CPNE4: variants seen among roughly 807,000 people sequenced by gnomAD.
CPNE4 encodes the protein copine 4, also known as copine-4.
A neutral mutation model predicts 67.9 loss-of-function variants in CPNE4; 25 were observed. The observed-to-expected ratio is 0.37, with a 90% CI of 0.27 to 0.51. The LOEUF is 0.51. Among genes scored for constraint, CPNE4 ranks in the 20% least tolerant of loss-of-function variants. CPNE4 has a pLI of 0.93. For synonymous variants in CPNE4, 242 were observed against 244.9 expected, an observed-to-expected ratio of 0.99 and a Z score of 0.11; for missense variants, 464 against 690.8, an observed-to-expected ratio of 0.67 and a Z score of 3.68.
At chr3:131,692,035 T>G (rs1299789752) in intron 5 of CPNE4, among the ~76,000 whole-genome samples, 3 of 152,062 alleles carry the variant, frequency 2.0e-5, no homozygotes, top group African/African-American at 7.3e-5. Flanking sequence ...ACTGAAGTGT[T>G]GCTGTGGTAA....
At chr3:131,581,742 T>C in intron 8 of CPNE4, 77 bp from the exon 9 acceptor site, 1 of 997,896 alleles carries the variant, frequency 1.0e-6, no homozygotes, top group East Asian at 2.4e-5. Context: ...TCCTAGGTGC[T>C]GCTGAGGACA....
At chr3:131,581,439 T>C in intron 9 of CPNE4, 140 bp downstream of exon 9, 1 of 621,776 alleles carries the variant, frequency 1.6e-6, no homozygotes, top group Non-Finnish European at 2.8e-6. Context: ...CATTTTATGT[T>C]CTTTAATACA....
At chr3:131,774,577 C>G (rs1309331522) in intron 2 of CPNE4, among the ~76,000 whole-genome samples, 1 of 152,092 alleles carries the variant, frequency 6.6e-6, no homozygotes, top group Non-Finnish European at 1.5e-5. Flanking sequence ...GGCAGAATAA[C>G]AGAGAGGAAA....
chr3:131,903,274 A>G (rs527873897), intron 2 of CPNE4, among the ~76,000 whole-genome samples: 1 of 152,178 alleles, frequency 6.6e-6, no homozygotes, highest in African/African-American at 2.4e-5. Flanking sequence ...CAAATCCCTT[A>G]TTCTGAGTAC....
chr3:131,800,533 A>G (rs1301698821), intron 2 of CPNE4, among the ~76,000 whole-genome samples: 1 of 152,186 alleles, frequency 6.6e-6, no homozygotes, highest in Non-Finnish European at 1.5e-5. Context: ...AACGGGTGAG[A>G]AAAGTAGGGA....
chr3:131,571,483 A>G (rs1937335271), intron 10 of CPNE4, among the ~76,000 whole-genome samples: 1 of 152,136 alleles, frequency 6.6e-6, no homozygotes, highest in East Asian at 1.9e-4. Flanking sequence ...TCTTGCCTAC[A>G]GCTGCTGTTG....
intron 2 of CPNE4, among the ~76,000 whole-genome samples, chr3:131,903,562 T>A (rs1417505216): frequency 1.3e-5 from 2 of 152,056 alleles, no homozygotes; most frequent in African/African-American, 4.8e-5. Context: ...AATTATAAAA[T>A]AGCAATAAAG....
intron 7 of CPNE4, among the ~76,000 whole-genome samples, chr3:131,596,578 C>T (rs1310656606): frequency 2.9e-5 from 3 of 103,070 alleles, no homozygotes; most frequent in African/African-American, 4.7e-5. Context: ...GCCGAGATCC[C>T]GCCACTGCAC....
chr3:132,015,269 C>G (rs1476704261), intron 1 of CPNE4, among the ~76,000 whole-genome samples: 1 of 152,136 alleles, frequency 6.6e-6, no homozygotes, highest in South Asian at 2.1e-4. Flanking sequence ...TTATTTATAA[C>G]ACAGAGAGTT....
chr3:131,848,631 C>T (rs2086097508), intron 2 of CPNE4, among the ~76,000 whole-genome samples: 1 of 146,604 alleles, frequency 6.8e-6, no homozygotes, highest in South Asian at 2.2e-4. Context: ...ATATCCTGGA[C>T]ATTTTCTTAG....
chr3:132,014,451 GGAAA>G (rs1451585531), intron 1 of CPNE4, among the ~76,000 whole-genome samples: 4 of 152,078 alleles, frequency 2.6e-5, no homozygotes, highest in Non-Finnish European at 5.9e-5. Context: ...GGAGGAGGAG[GGAAA>G]GAAAGAGGCA....
At chr3:131,680,573 TAGAA>T (rs1349850443) in intron 6 of CPNE4, among the ~76,000 whole-genome samples, 2 of 152,272 alleles carry the variant, frequency 1.3e-5, no homozygotes, top group Admixed American at 6.5e-5. Context: ...TTTCCTTTCA[TAGAA>T]AGAAAATAAA....
chr3:131,710,895 G>A (rs767501360), intron 3 of CPNE4, among the ~76,000 whole-genome samples: 4 of 152,156 alleles, frequency 2.6e-5, no homozygotes, highest in East Asian at 1.9e-4. Context: ...GAATCCAAAT[G>A]TTAGGTGTTA....
chr3:131,843,092 C>G (rs145692423), intron 2 of CPNE4, among the ~76,000 whole-genome samples: 48 of 152,252 alleles, frequency 3.2e-4, no homozygotes, highest in South Asian at 1.5e-3. Flanking sequence ...ATAAGTAAAA[C>G]CCAACGATTT....
At chr3:131,946,690 TAAAG>T (rs2071561688) in intron 1 of CPNE4, among the ~76,000 whole-genome samples, 1 of 152,222 alleles carries the variant, frequency 6.6e-6, no homozygotes, top group African/African-American at 2.4e-5. Context: ...TCCCATTCTG[TAAAG>T]TCTCTTTTCA....
intron 2 of CPNE4, among the ~76,000 whole-genome samples, chr3:131,784,428 A>G (rs1258530955): frequency 2.0e-5 from 3 of 152,100 alleles, no homozygotes; most frequent in African/African-American, 4.8e-5. Flanking sequence ...GCAGACAGCC[A>G]TAAGCCTTTG....
chr3:131,718,278 C>T (rs1169910561), intron 3 of CPNE4, among the ~76,000 whole-genome samples: 2 of 152,086 alleles, frequency 1.3e-5, no homozygotes, highest in South Asian at 2.1e-4. Context: ...AGCCACTGCA[C>T]CCGGCCAAAG....
chr3:131,877,594 T>C (rs900991629), intron 2 of CPNE4, among the ~76,000 whole-genome samples: 1 of 152,050 alleles, frequency 6.6e-6, no homozygotes, highest in African/African-American at 2.4e-5. Flanking sequence ...GTATTTTGAA[T>C]AAAAAGATAT....
intron 2 of CPNE4, among the ~76,000 whole-genome samples, chr3:131,900,531 G>A (rs1342597356): frequency 6.6e-6 from 1 of 152,052 alleles, no homozygotes; most frequent in East Asian, 1.9e-4. Flanking sequence ...AAGATTTCAT[G>A]TAGTGTCCTC....
Sources: allele counts gnomAD v4.1 joint callset (sites outside exome capture counted in the v4.1 genomes callset), GRCh38; gene constraint gnomAD v4.1.1; transcripts MANE v1.5; gene names NCBI Gene and HGNC (gene_info 2026-07-23, HGNC 2026-07-21).